UVRAG: variants seen among roughly 807,000 people sequenced by gnomAD.
The protein encoded by UVRAG is UV radiation resistance-associated gene protein.
Under a neutral mutation model 78.0 loss-of-function variants are expected in UVRAG, and 19 were observed. The ratio of observed to expected loss-of-function variants is 0.24; its 90% confidence interval spans 0.17 to 0.36. UVRAG has a LOEUF of 0.36. Ranked by LOEUF, UVRAG falls within the 10% of genes least tolerant of loss-of-function variation. The pLI is 1.00. For synonymous variants in UVRAG, 323 were observed against 324.6 expected (o/e 1.00, Z 0.05); for missense variants, 740 against 853.8 (o/e 0.87, Z 1.66).
intron 12 of UVRAG, among the ~76,000 whole-genome samples, chr11:76,040,544 GTTTGT>G (rs1565132564): frequency 6.6e-6 from 1 of 150,516 alleles, no homozygotes; most frequent in African/African-American, 2.5e-5. Flanking sequence ...TTGTTTGTTT[GTTTGT>G]TTTGTTTTGT....
At chr11:76,041,212 T>TATC (rs10688560) in intron 12 of UVRAG, among the ~76,000 whole-genome samples, 20,361 of 152,084 alleles carry the variant, frequency 0.13, 3,478 homozygotes, top group African/African-American at 0.4. Flanking sequence ...ATGGATTTAT[T>TATC]GGGACAAGAT....
In UVRAG at chr11:76,141,580, C is replaced by T; in HGVS notation, c.*167C>T. ...AGGAGGGACTCAGGATCATTGTTAT[C>T]AGTGGGCCAAAGTTAGATTTTGCTT... On this transcript the variant is annotated 3_prime_UTR_variant, in exon 15 of 15. Coordinates refer to ENST00000356136, the MANE Select transcript of UVRAG (RefSeq NM_003369.4). 1.3e-6 allele frequency: 1 copy of T among 750,012 alleles called. No individual in the cohort carries two copies. 46.5% of individuals were successfully genotyped at this position (750,012 alleles called of 1,614,324 possible).
At chr11:76,079,989 A>G (rs1440885693) in intron 13 of UVRAG, among the ~76,000 whole-genome samples, 2 of 152,182 alleles carry the variant, frequency 1.3e-5, no homozygotes, top group Admixed American at 1.3e-4. Context: ...GTCTGAGAGC[A>G]TGGCACCAAC....
At chr11:75,822,317 G>C (rs544019123) in intron 1 of UVRAG, among the ~76,000 whole-genome samples, 24 of 152,278 alleles carry the variant, frequency 1.6e-4, no homozygotes, top group African/African-American at 5.5e-4. Flanking sequence ...CAAACTAGCT[G>C]TTTTCTCCTA....
At chr11:76,104,042 C>G (rs552477642) in intron 13 of UVRAG, among the ~76,000 whole-genome samples, 3 of 152,022 alleles carry the variant, frequency 2.0e-5, no homozygotes, top group African/African-American at 7.2e-5. Context: ...AACTTATATG[C>G]AATATTTAGA....
chr11:76,076,083 G>A (rs920173206), intron 13 of UVRAG, among the ~76,000 whole-genome samples: 3 of 152,132 alleles, frequency 2.0e-5, no homozygotes, highest in East Asian at 3.8e-4. Flanking sequence ...TGGGGATATA[G>A]TTTTCATTAT....
intron 7 of UVRAG, among the ~76,000 whole-genome samples, chr11:75,962,765 C>T (rs894186202): frequency 2.6e-5 from 4 of 151,896 alleles, no homozygotes; most frequent in African/African-American, 9.7e-5. Context: ...TTTTTAGAAC[C>T]CTTGGGGAAA....
chr11:75,930,093 A>G (rs148144394), intron 6 of UVRAG, among the ~76,000 whole-genome samples: 6 of 152,288 alleles, frequency 3.9e-5, no homozygotes, highest in Admixed American at 2.0e-4. Flanking sequence ...ATATTGTGCT[A>G]GGTGTTGTAT....
chr11:75,841,448 C>T (rs1945906936), intron 1 of UVRAG, among the ~76,000 whole-genome samples: 2 of 152,076 alleles, frequency 1.3e-5, no homozygotes, highest in Admixed American at 6.6e-5. Flanking sequence ...CTACATTATT[C>T]AAGGTATATA....
chr11:75,974,351 CTTTTTTTTT>C (rs1188190094), intron 7 of UVRAG, among the ~76,000 whole-genome samples: 14 of 83,710 alleles, frequency 1.7e-4, no homozygotes, highest in Admixed American at 7.0e-4. Flanking sequence ...TAAATGTCTT[CTTTTTTTTT>C]TTTTTTTTTT....
chr11:76,099,949 T>C (rs1373513988), intron 13 of UVRAG, among the ~76,000 whole-genome samples: 3 of 152,120 alleles, frequency 2.0e-5, no homozygotes, highest in African/African-American at 7.2e-5. Context: ...TCTTACCTAA[T>C]TAGTATTAAC....
chr11:75,959,328 T>C (rs897857425), intron 6 of UVRAG, among the ~76,000 whole-genome samples: 6 of 152,230 alleles, frequency 3.9e-5, no homozygotes, highest in Admixed American at 6.5e-5. Flanking sequence ...ACCACCTTCA[T>C]TGATGATCTT....
intron 9 of UVRAG, among the ~76,000 whole-genome samples, chr11:76,006,547 C>T (rs1228907788): frequency 6.7e-6 from 1 of 149,202 alleles, no homozygotes; most frequent in African/African-American, 2.5e-5. Context: ...GTAGTCCCAG[C>T]TTCTCAGGAA....
intron 1 of UVRAG, among the ~76,000 whole-genome samples, chr11:75,817,120 C>T (rs1325312922): frequency 5.9e-5 from 9 of 152,034 alleles, no homozygotes; most frequent in African/African-American, 1.9e-4. Context: ...GAGGGAGACA[C>T]GTCTCTGGAG....
intron 1 of UVRAG, among the ~76,000 whole-genome samples, chr11:75,825,892 A>G (rs574025845): frequency 6.6e-6 from 1 of 151,636 alleles, no homozygotes; most frequent in South Asian, 2.1e-4. Context: ...GCTGGAGTAC[A>G]GTGGTGTGAT....
At chr11:75,864,878 T>C (rs1946503731) in intron 3 of UVRAG, among the ~76,000 whole-genome samples, 1 of 152,208 alleles carries the variant, frequency 6.6e-6, no homozygotes, top group South Asian at 2.1e-4. Context: ...TTTTCACTCA[T>C]GTAACTTTGA....
In UVRAG at chr11:75,919,710, C is replaced by T. The variant is rs145583173; in HGVS notation, c.593+7671C>T. Among the ~76,000 whole-genome samples the T allele has an allele frequency of 1.8e-4, 28 of 152,162 alleles. No individual in the cohort carries two copies. In the East Asian group the frequency reaches 5.2e-3, roughly 28 times the overall value. ...ATTGCATTTCATAACTCAAGTTACT[C>T]ACGAGAATTATGAGTGCACTGTCTT... is the stretch of plus-strand genomic sequence containing the variant. On this transcript the variant is annotated intron_variant, in intron 6 of 14. Transcript: ENST00000356136.
intron 1 of UVRAG, among the ~76,000 whole-genome samples, chr11:75,839,813 T>TTTG (rs1565339649): frequency 1.5e-5 from 2 of 132,276 alleles, no homozygotes; most frequent in East Asian, 2.0e-4. Flanking sequence ...GTGTGTGTTT[T>TTTG]TGTGTGTGTG....
intron 1 of UVRAG, among the ~76,000 whole-genome samples, chr11:75,817,481 A>G (rs941978513): frequency 6.6e-6 from 1 of 152,176 alleles, no homozygotes; most frequent in Non-Finnish European, 1.5e-5. Context: ...TGAATGCTAT[A>G]TGAGTGCCGA....
Sources: gnomAD v4.1 joint callset for allele counts (sites outside exome capture counted in the v4.1 genomes callset) on GRCh38, gnomAD v4.1.1 for gene constraint, MANE v1.5 for transcripts, NCBI Gene and HGNC (gene_info 2026-07-23, HGNC 2026-07-21) for gene names.